Variants in AKT2 observed in about 807,000 individuals in gnomAD.
AKT2 encodes AKT serine/threonine kinase 2, also known as RAC-beta serine/threonine-protein kinase.
Under a neutral mutation model 58.6 loss-of-function variants are expected in AKT2, and 16 were observed. That is an observed-to-expected ratio of 0.27 (90% CI 0.18 to 0.41). The LOEUF (loss-of-function observed/expected upper bound fraction) is 0.41, where lower values mean the gene tolerates loss of function less well. Ranked by LOEUF, AKT2 falls within the 10% of genes least tolerant of loss-of-function variation. The pLI, the probability that AKT2 is intolerant of heterozygous loss-of-function variation, is 1.00. For synonymous variants in AKT2, 253 were observed against 254.0 expected, an observed-to-expected ratio of 1.00 and a Z score of 0.04; for missense variants, 438 against 661.0, an observed-to-expected ratio of 0.66 and a Z score of 3.70.
At position 40,237,740 on chromosome 19, in the gene AKT2, GC is replaced by G. The variant is rs1974119195; in HGVS notation, c.831+228del. The G allele has an allele frequency of 8.5e-6, 5 of 587,434 alleles. No individual in the cohort carries two copies. The highest frequency in any genetic ancestry group is 1.2e-5 in the Non-Finnish European group (4 of 339,556). The allele number at this position is 587,434 out of a possible 1,614,324, so 36.4% of individuals were successfully genotyped here. ...AGGCTTGGGAAGGTCCCTACTTGGG[GC>G]AACTTGCCACAGAGCCACCACCCTG... On this transcript the variant is annotated intron_variant, in intron 9 of 13. Transcript: ENST00000392038. The surrounding 1 kb of genome is among the most constrained non-coding windows in gnomAD (Gnocchi z 4.5).
intron 1 of AKT2, chr19:40,274,722 G>T (rs761072117): frequency 3.2e-5 from 9 of 280,438 alleles, no homozygotes; most frequent in Non-Finnish European, 5.8e-5. Context: ...GCAGGCAGGG[G>T]AGGAGCAGGG....
At chr19:40,245,688 AG>A (rs950491721) in intron 4 of AKT2, among the ~76,000 whole-genome samples, 33 of 152,316 alleles carry the variant, frequency 2.2e-4, no homozygotes, top group African/African-American at 7.9e-4. Context: ...CAGGCTTGGT[AG>A]CTGGAATTAC....
At chr19:40,269,818 G>C (rs1489012436) in intron 1 of AKT2, among the ~76,000 whole-genome samples, 1 of 152,164 alleles carries the variant, frequency 6.6e-6, no homozygotes, top group Non-Finnish European at 1.5e-5. Flanking sequence ...TAGAGTGAAA[G>C]AAGTCAGCAC....
At chr19:40,267,366 T>C (rs1225853700) in intron 1 of AKT2, among the ~76,000 whole-genome samples, 1 of 152,084 alleles carries the variant, frequency 6.6e-6, no homozygotes, top group African/African-American at 2.4e-5. Flanking sequence ...CTATTGCACC[T>C]CTCCAGCCTC....
chr19:40,234,996 C>T lies in AKT2; in HGVS notation c.1366+49G>A, dbSNP rs570908744. 8.6e-6 allele frequency: 13 copies of T among 1,507,550 alleles called. No homozygotes were observed. In the South Asian group the frequency reaches 1.4e-4, roughly 16 times the overall value. The allele number at this position is 1,507,550 out of a possible 1,614,324, so 93.4% of individuals were successfully genotyped here. On this transcript the variant is annotated intron_variant, in intron 13 of 13. Transcript: ENST00000392038. The surrounding 1 kb of genome is among the most constrained non-coding windows in gnomAD (Gnocchi z 4.7). ...AAGTGAGTTAAGAGCAGATCCCATC[C>T]CTCCACCCCTGGGGCAGGCACACCA...
At position 40,232,112 on chromosome 19, in the gene AKT2, C is replaced by T. The variant is rs762055206; in HGVS notation, c.*1760G>A. The T allele has an allele frequency of 2.1e-5, 5 of 233,598 alleles. No individual in the cohort carries two copies. Among genetic ancestry groups the T allele is most frequent in the Admixed American group, 5.6e-5 (1 of 17,784 alleles). 14.5% of individuals were successfully genotyped at this position (233,598 alleles called of 1,614,324 possible). A position where few individuals can be genotyped will look rare whatever the true frequency, so the allele number is the denominator to read the frequency against. On this transcript the variant is annotated 3_prime_UTR_variant, in exon 14 of 14. Coordinates refer to ENST00000392038, the MANE Select transcript of AKT2 (RefSeq NM_001626.6). ...TCTCTGTCCACCCCACCCCCACATG[C>T]GGGGAGCCTTCCCATACCCCTCAGC... is the stretch of plus-strand genomic sequence containing the variant.
chr19:40,283,854 C>T (rs1285747804), intron 1 of AKT2, among the ~76,000 whole-genome samples: 1 of 152,220 alleles, frequency 6.6e-6, no homozygotes, highest in Non-Finnish European at 1.5e-5. Context: ...GGGAAAACAG[C>T]TCCCGGCCTC....
intron 2 of AKT2, among the ~76,000 whole-genome samples, chr19:40,257,404 C>T (rs1431817481): frequency 6.6e-6 from 1 of 152,244 alleles, no homozygotes; most frequent in African/African-American, 2.4e-5. Flanking sequence ...AACACACATG[C>T]CCTGTGGCCC....
Position 40,234,845 on chromosome 19 carries a change from T to A in AKT2, c.1366+200A>T. On this transcript the variant is annotated intron_variant, in intron 13 of 13. Transcript: ENST00000392038. This position sits in a 1 kb window ranked among gnomAD's most constrained non-coding sequence, Gnocchi z 4.7. ...AGCCCCCCGACTGAGCTCCAGAACG[T>A]GCTGCAGTCAATGGCTCCTGGTGGC... 1 of 671,114 alleles carries A rather than the reference T, an allele frequency of 1.5e-6. No individual in the cohort carries two copies. The highest frequency in any genetic ancestry group is 2.2e-5 in the Admixed American group (1 of 46,388). The allele number at this position is 671,114 out of a possible 1,614,324, so 41.6% of individuals were successfully genotyped here.
At chr19:40,272,978 G>A (rs2077242624) in intron 1 of AKT2, among the ~76,000 whole-genome samples, 1 of 152,138 alleles carries the variant, frequency 6.6e-6, no homozygotes, top group African/African-American at 2.4e-5. Context: ...CTATTGGAGG[G>A]TTCAGTGAGT....
At position 40,235,012 on chromosome 19, in the gene AKT2, AG is replaced by A; in HGVS notation, c.1366+32del. The stretch of plus-strand genomic sequence containing the variant: ...GATCCCATCCCTCCACCCCTGGGGC[AG>A]GCACACCAGCGCGGGGGCCCCAGGC... On this transcript the variant is annotated intron_variant, in intron 13 of 13. Coordinates refer to ENST00000392038, the MANE Select transcript of AKT2 (RefSeq NM_001626.6). This position sits in a 1 kb window ranked among gnomAD's most constrained non-coding sequence, Gnocchi z 6.3. 4.5e-6 allele frequency: 7 copies of A among 1,570,874 alleles called. No individual in the cohort carries two copies. The highest frequency in any genetic ancestry group is 1.7e-4 in the Middle Eastern group (1 of 5,976).
chr19:40,248,436 C>T (rs532108975), intron 4 of AKT2, among the ~76,000 whole-genome samples: 253 of 152,294 alleles, frequency 1.7e-3, no homozygotes, highest in Non-Finnish European at 2.9e-3. Flanking sequence ...AGCTCCAAGG[C>T]GGGGGCCAAA....
intron 1 of AKT2, among the ~76,000 whole-genome samples, chr19:40,276,301 G>C (rs914863618): frequency 4.8e-5 from 7 of 144,594 alleles, no homozygotes; most frequent in Non-Finnish European, 9.0e-5. Flanking sequence ...AGGCTACACA[G>C]GTCACTTCTC....
chr19:40,255,284 AAC>A lies in AKT2; in HGVS notation c.176-17_176-16del, dbSNP rs777242677. On this transcript the variant is annotated splice_polypyrimidine_tract_variant and intron_variant, in intron 3 of 13. Coordinates refer to ENST00000392038, the MANE Select transcript of AKT2 (RefSeq NM_001626.6). ...CAGCTGGCATTCTGCAGGCAGAGGGAACAGACAGCAGGGGGCTGAGGGGATAG... is the reference window on the plus strand; with the variant it reads ...CAGCTGGCATTCTGCAGGCAGAGGGAAGACAGCAGGGGGCTGAGGGGATAG... 2 of 1,608,254 alleles carry A rather than the reference AAC, an allele frequency of 1.2e-6. No individual in the cohort carries two copies. Among genetic ancestry groups the A allele is most frequent in the Non-Finnish European group, 1.7e-6 (2 of 1,174,830 alleles).
At chr19:40,261,310 A>C (rs574127920) in intron 2 of AKT2, among the ~76,000 whole-genome samples, 2 of 152,120 alleles carry the variant, frequency 1.3e-5, no homozygotes, top group Non-Finnish European at 2.9e-5. Flanking sequence ...AGGCAGGTGG[A>C]TCACCTGAGG....
In AKT2 at chr19:40,242,148, G is replaced by A; in HGVS notation, c.442-79C>T. ...GAGGAAATTTTAACAAAAGAAAGAGGAAAACCAAAAGACACTGTTGCCAAA... is the reference window on the plus strand; with the variant it reads ...GAGGAAATTTTAACAAAAGAAAGAGAAAAACCAAAAGACACTGTTGCCAAA... On this transcript the variant is annotated intron_variant, in intron 5 of 13. Transcript: ENST00000392038. The surrounding 1 kb of genome is among the most constrained non-coding windows in gnomAD (Gnocchi z 4.3). 6.3e-7 allele frequency: 1 copy of A among 1,595,164 alleles called. No individual in the cohort carries two copies. Among genetic ancestry groups the A allele is most frequent in the African/African-American group, 1.3e-5 (1 of 74,670 alleles).
chr19:40,246,166 T>C (rs1974742344), intron 4 of AKT2, among the ~76,000 whole-genome samples: 1 of 152,176 alleles, frequency 6.6e-6, no homozygotes, highest in Non-Finnish European at 1.5e-5. Context: ...TCTTTTTTGT[T>C]TCTTTTTGTT....
At chr19:40,268,307 A>G (rs937016369) in intron 1 of AKT2, among the ~76,000 whole-genome samples, 1 of 152,236 alleles carries the variant, frequency 6.6e-6, no homozygotes, top group East Asian at 1.9e-4. Context: ...CAGCAGCACT[A>G]AAGTACCCAC....
chr19:40,285,091 A>C, intron 1 of AKT2, 90 bp downstream of exon 1: 4 of 353,886 alleles, frequency 1.1e-5, no homozygotes, highest in Non-Finnish European at 2.0e-5. Context: ...CCCGCCGGGC[A>C]CGGGTGGTAC....
Sources: allele counts gnomAD v4.1 joint callset (sites outside exome capture counted in the v4.1 genomes callset), GRCh38; gene constraint gnomAD v4.1.1; non-coding constraint Gnocchi (gnomAD v3.1); transcripts MANE v1.5; gene names NCBI Gene and HGNC (gene_info 2026-07-23, HGNC 2026-07-21).